UGT2B4: variants seen among roughly 807,000 people sequenced by gnomAD.
UGT2B4 encodes the protein UDP-glucuronosyltransferase 2B4.
In UGT2B4, 49 loss-of-function variants were observed where a neutral mutation model predicts 49.8. The ratio of observed to expected loss-of-function variants is 0.98; its 90% CI spans 0.78 to 1.25. UGT2B4 has a LOEUF of 1.25. Ranked by LOEUF, UGT2B4 falls within the 50% of genes most tolerant of loss-of-function variation. UGT2B4 has a pLI of 0.00. For missense variants in UGT2B4, 729 were observed against 627.7 expected, an observed-to-expected ratio of 1.16 and a Z score of -1.73; for synonymous variants, 246 against 217.7, an observed-to-expected ratio of 1.13 and a Z score of -1.14.
At chr4:69,499,779 G>A (rs1055655349), upstream of UGT2B4, among the ~76,000 whole-genome samples, 1 of 152,084 alleles carries the variant, frequency 6.6e-6, no homozygotes, top group Non-Finnish European at 1.5e-5. Flanking sequence ...TGGGTCTGTT[G>A]CATACAGCAT....
chr4:69,512,437 G>T (rs1243773140), intron 1 of UGT2B4, among the ~76,000 whole-genome samples: 1 of 151,778 alleles, frequency 6.6e-6, no homozygotes, highest in East Asian at 1.9e-4. Flanking sequence ...TATTTTTTAT[G>T]TAAGTTTGAC....
chr4:69,514,725 T>G (rs1268406114), intron 1 of UGT2B4, among the ~76,000 whole-genome samples: 2 of 152,220 alleles, frequency 1.3e-5, no homozygotes, highest in Non-Finnish European at 2.9e-5. Flanking sequence ...AATCGTGGTT[T>G]TGTCTTAATT....
intron 4 of UGT2B4, 143 bp from the exon 5 acceptor site, chr4:69,485,570 G>A (rs4554145): frequency 8.9e-6 from 10 of 1,123,702 alleles, no homozygotes; most frequent in South Asian, 2.8e-5. Context: ...AGGAAGGAAC[G>A]CCTACTTCTG....
intron 1 of UGT2B4, among the ~76,000 whole-genome samples, chr4:69,502,075 CT>C (rs1348479517): frequency 1.4e-3 from 113 of 78,370 alleles, no homozygotes; most frequent in Non-Finnish European, 1.9e-3. Context: ...TCCTTCTTTT[CT>C]TTCTTTCTTT....
chr4:69,514,525 C>T (rs377100079), intron 1 of UGT2B4, among the ~76,000 whole-genome samples: 20 of 152,252 alleles, frequency 1.3e-4, no homozygotes, highest in African/African-American at 4.3e-4. Context: ...AGAGGGCATC[C>T]TTGTCTTGGG....
intron 2 of UGT2B4, among the ~76,000 whole-genome samples, chr4:69,491,898 T>C (rs1418179547): frequency 6.6e-6 from 1 of 151,988 alleles, no homozygotes; most frequent in Non-Finnish European, 1.5e-5. Context: ...ATTTTAACCA[T>C]GGAATAAAAT....
chr4:69,513,989 TTTTA>T (rs1728670611), intron 1 of UGT2B4, among the ~76,000 whole-genome samples: 1 of 137,228 alleles, frequency 7.3e-6, no homozygotes, highest in Admixed American at 7.2e-5. Flanking sequence ...GATGATGGGG[TTTTA>T]TTTTATTTTT....
chr4:69,520,546 C>T (rs934942055), intron 1 of UGT2B4, among the ~76,000 whole-genome samples: 66 of 152,222 alleles, frequency 4.3e-4, no homozygotes, highest in African/African-American at 1.4e-3. Context: ...AGTGCCAGCT[C>T]CCGCTGCCTG....
intron 1 of UGT2B4, among the ~76,000 whole-genome samples, chr4:69,519,287 G>T (rs569097964): frequency 7.9e-4 from 121 of 152,234 alleles, no homozygotes; most frequent in African/African-American, 2.9e-3. Context: ...ATGACAAAAA[G>T]ATTAAAAATG....
chr4:69,485,636 A>G (rs994979394), intron 4 of UGT2B4, among the ~76,000 whole-genome samples: 2 of 152,208 alleles, frequency 1.3e-5, no homozygotes, highest in African/African-American at 4.8e-5. Context: ...GAAAAAATTA[A>G]TACAAGATTA....
chr4:69,498,484 T>C (rs1234133369), upstream of UGT2B4, among the ~76,000 whole-genome samples: 4 of 148,056 alleles, frequency 2.7e-5, no homozygotes, highest in Admixed American at 6.8e-5. Flanking sequence ...AAGACAGCTA[T>C]GAATCCATTT....
intron 1 of UGT2B4, among the ~76,000 whole-genome samples, chr4:69,522,961 T>C (rs1385314618): frequency 1.3e-5 from 2 of 152,190 alleles, no homozygotes; most frequent in Non-Finnish European, 1.5e-5. Flanking sequence ...CACTTTCTTC[T>C]CCAATGCAGA....
intron 2 of UGT2B4, among the ~76,000 whole-genome samples, chr4:69,491,800 G>T (rs1464889259): frequency 6.6e-6 from 1 of 151,930 alleles, no homozygotes; most frequent in Non-Finnish European, 1.5e-5. Flanking sequence ...GGGTGGGACA[G>T]AATTTTCATT....
chr4:69,481,091 GAAA>G (rs57494102), intron 5 of UGT2B4, among the ~76,000 whole-genome samples, 181 bp from the exon 6 acceptor site: 758 of 67,808 alleles, frequency 0.011, 22 homozygotes, highest in Middle Eastern at 0.025. Context: ...GTAAAAATAT[GAAA>G]AAAAAAAAAA....
At chr4:69,516,827 C>T (rs960696408) in intron 1 of UGT2B4, among the ~76,000 whole-genome samples, 10 of 151,266 alleles carry the variant, frequency 6.6e-5, no homozygotes, top group Admixed American at 2.0e-4. Context: ...AGGCTGGTTT[C>T]GAACTCCTGA....
chr4:69,497,966 G>A (rs776527534), upstream of UGT2B4, among the ~76,000 whole-genome samples: 1 of 152,050 alleles, frequency 6.6e-6, no homozygotes, highest in Non-Finnish European at 1.5e-5. Flanking sequence ...TCACTACTCT[G>A]ATGAGTTAGT....
chr4:69,515,252 T>C (rs1484293518), intron 1 of UGT2B4, among the ~76,000 whole-genome samples: 2 of 152,192 alleles, frequency 1.3e-5, no homozygotes, highest in Non-Finnish European at 2.9e-5. Flanking sequence ...TCTCTAAAAT[T>C]GTTCACATAA....
At chr4:69,504,766 C>A (rs1728428422) in intron 1 of UGT2B4, among the ~76,000 whole-genome samples, 1 of 151,914 alleles carries the variant, frequency 6.6e-6, no homozygotes. Context: ...GTAAGATACT[C>A]CATGAGAAGA....
intron 3 of UGT2B4, among the ~76,000 whole-genome samples, chr4:69,488,691 T>C (rs1727867185): frequency 6.6e-6 from 1 of 151,984 alleles, no homozygotes; most frequent in African/African-American, 2.4e-5. Flanking sequence ...GTTAATCTCA[T>C]AGTGCAGCGT....
Sources: allele counts gnomAD v4.1 joint callset (sites outside exome capture counted in the v4.1 genomes callset), GRCh38; gene constraint gnomAD v4.1.1; transcripts MANE v1.5; gene names NCBI Gene and HGNC (gene_info 2026-07-23, HGNC 2026-07-21).